The following GOLGA5 variants were observed in gnomAD, a reference collection of about 807,000 sequenced individuals.
GOLGA5 encodes the protein golgin A5.
A neutral mutation model predicts 93.5 loss-of-function variants in GOLGA5; 50 were observed. The ratio of observed to expected loss-of-function variants is 0.53; its 90% CI spans 0.43 to 0.68. GOLGA5 has a LOEUF of 0.68. Ranked by LOEUF, GOLGA5 falls within the 30% of genes least tolerant of loss-of-function variation. GOLGA5 has a pLI of 0.00. For synonymous variants in GOLGA5, 312 were observed against 304.5 expected, an observed-to-expected ratio of 1.02 and a Z score of -0.26; for missense variants, 760 against 856.4, an observed-to-expected ratio of 0.89 and a Z score of 1.40.
intron 12 of GOLGA5, 73 bp downstream of exon 12, chr14:92,837,522 G>A (rs1885671209): frequency 1.4e-6 from 1 of 737,726 alleles, no homozygotes; most frequent in Non-Finnish European, 2.4e-6. Context: ...TTGTTTGTTT[G>A]TTTTGGCTAC....
At chr14:92,829,592 C>T (rs892163285) in intron 9 of GOLGA5, among the ~76,000 whole-genome samples, 1 of 152,180 alleles carries the variant, frequency 6.6e-6, no homozygotes, top group African/African-American at 2.4e-5. Flanking sequence ...CATAATAAAA[C>T]TTAAACAGAT....
At chr14:92,836,634 G>A (rs146860399) in intron 11 of GOLGA5, among the ~76,000 whole-genome samples, 503 of 152,060 alleles carry the variant, frequency 3.3e-3, no homozygotes, top group Middle Eastern at 0.014. Flanking sequence ...TTATAGCTTT[G>A]TACCTTTTAG....
intron 7 of GOLGA5, among the ~76,000 whole-genome samples, chr14:92,818,168 T>C (rs1361770500): frequency 6.6e-6 from 1 of 152,194 alleles, no homozygotes; most frequent in Admixed American, 6.5e-5. Context: ...ATTAATGACA[T>C]TGACCCATTT....
In GOLGA5 at chr14:92,825,865, AAG is replaced by A. The variant is rs1491020297; in HGVS notation, c.1719+1223_1719+1224del. 2.9e-3 allele frequency among the ~76,000 whole-genome samples: 440 copies of A among 150,710 alleles called. 24 individuals are homozygous for A. The highest frequency in any genetic ancestry group is 0.014 in the Middle Eastern group (4 of 294). Reference sequence around the variant, plus strand: ...AGTGAGACCCTGTCTCAAAAAAAAAAAGAAAAAACAACCATAGGGTGGCTTAT... The same window carrying A: ...AGTGAGACCCTGTCTCAAAAAAAAAAAAAAAACAACCATAGGGTGGCTTAT... On this transcript the variant is annotated intron_variant, in intron 9 of 12. Transcript: ENST00000163416.
At chr14:92,818,045 G>T (rs1010093342) in intron 7 of GOLGA5, among the ~76,000 whole-genome samples, 6 of 151,954 alleles carry the variant, frequency 3.9e-5, no homozygotes, top group African/African-American at 1.2e-4. Context: ...GAATTCCAAA[G>T]AATTCAGTCC....
At chr14:92,816,169 G>T in intron 6 of GOLGA5, 82 bp from the exon 7 acceptor site, 3 of 890,784 alleles carry the variant, frequency 3.4e-6, no homozygotes, top group East Asian at 2.4e-5. Context: ...TTTTTTAGTG[G>T]GTTATTTTCT....
intron 1 of GOLGA5, 24 bp downstream of exon 1, chr14:92,794,480 T>A (rs964416169): frequency 1.3e-5 from 2 of 152,410 alleles, no homozygotes; most frequent in African/African-American, 4.8e-5. Flanking sequence ...GAGGGCCCAC[T>A]GGACGAGACG....
chr14:92,807,570 TG>T (rs1340465582), intron 3 of GOLGA5, among the ~76,000 whole-genome samples: 2 of 152,182 alleles, frequency 1.3e-5, no homozygotes, highest in Non-Finnish European at 2.9e-5. Context: ...TCATTTATTC[TG>T]AACTTTCAAG....
chr14:92,802,697 C>A (rs1429992080), intron 2 of GOLGA5, among the ~76,000 whole-genome samples: 1 of 150,760 alleles, frequency 6.6e-6, no homozygotes, highest in Non-Finnish European at 1.5e-5. Flanking sequence ...TATAGTTTTT[C>A]TTCTTTAATA....
chr14:92,808,468 T>C (rs1231296220), intron 3 of GOLGA5, among the ~76,000 whole-genome samples: 1 of 152,092 alleles, frequency 6.6e-6, no homozygotes, highest in Non-Finnish European at 1.5e-5. Context: ...ACCCCTGGGC[T>C]ACAAAAATCA....
At chr14:92,799,461 T>C (rs1038768620) in intron 2 of GOLGA5, among the ~76,000 whole-genome samples, 2 of 148,198 alleles carry the variant, frequency 1.3e-5, no homozygotes, top group African/African-American at 5.0e-5. Flanking sequence ...TTTTTTTTTG[T>C]ATTTTTAGTA....
At chr14:92,822,450 C>T (rs917226347) in intron 8 of GOLGA5, among the ~76,000 whole-genome samples, 4 of 152,180 alleles carry the variant, frequency 2.6e-5, no homozygotes, top group African/African-American at 7.2e-5. Context: ...TTTGGATTGG[C>T]ATGTGCTTTA....
chr14:92,795,014 C>T (rs543255508), intron 1 of GOLGA5, among the ~76,000 whole-genome samples: 4 of 152,368 alleles, frequency 2.6e-5, no homozygotes, highest in Non-Finnish European at 5.9e-5. Context: ...TTAATTGCAA[C>T]ATTAGTAGCA....
rs1833372086 is a variant in GOLGA5, at chr14:92,811,455, A to C, written c.1117-96A>C. The C allele has an allele frequency of 7.1e-6, 6 of 849,658 alleles. No individual in the cohort carries two copies. In the Admixed American group the frequency reaches 1.3e-4, roughly 18 times the overall value. 52.6% of individuals were successfully genotyped at this position (849,658 alleles called of 1,614,324 possible). ...CCATCCCTACTATGTTGTTTGGCTG[A>C]GCTAATAAATCCCATAAGATATCCG... On this transcript the variant is annotated intron_variant, in intron 5 of 12. Coordinates refer to ENST00000163416, the MANE Select transcript of GOLGA5 (RefSeq NM_005113.4).
At chr14:92,823,868 AATATG>A (rs1317946670) in intron 8 of GOLGA5, among the ~76,000 whole-genome samples, 4 of 152,274 alleles carry the variant, frequency 2.6e-5, no homozygotes, top group African/African-American at 9.6e-5. Flanking sequence ...TATTCCTAAG[AATATG>A]ATATGACTTT....
chr14:92,818,724 A>G (rs570627973), intron 7 of GOLGA5, among the ~76,000 whole-genome samples: 53 of 152,354 alleles, frequency 3.5e-4, no homozygotes, highest in African/African-American at 1.1e-3. Flanking sequence ...GGTGATGAGT[A>G]TGAAACAGAA....
intron 1 of GOLGA5, among the ~76,000 whole-genome samples, chr14:92,795,703 C>T (rs957879173): frequency 1.4e-5 from 2 of 143,394 alleles, no homozygotes; most frequent in Non-Finnish European, 3.0e-5. Flanking sequence ...GCCACTGCCC[C>T]ACTTTCCCCA....
chr14:92,800,189 A>G (rs558446390), intron 2 of GOLGA5, among the ~76,000 whole-genome samples: 1 of 152,356 alleles, frequency 6.6e-6, no homozygotes, highest in South Asian at 2.1e-4. Context: ...GGTGAGCTAG[A>G]CATGTAAACA....
chr14:92,813,894 G>T (rs1885150797), intron 6 of GOLGA5, among the ~76,000 whole-genome samples: 1 of 152,074 alleles, frequency 6.6e-6, no homozygotes, highest in Admixed American at 6.6e-5. Context: ...TAAGAGATAT[G>T]TGGGAGATAG....
Sources: allele counts gnomAD v4.1 joint callset (sites outside exome capture counted in the v4.1 genomes callset), GRCh38; gene constraint gnomAD v4.1.1; transcripts MANE v1.5; gene names NCBI Gene and HGNC (gene_info 2026-07-23, HGNC 2026-07-21).